The following TRDN variants were observed in gnomAD, a reference collection of about 807,000 sequenced individuals.
TRDN encodes the protein triadin.
TRDN carries 161 observed loss-of-function variants against 149.7 expected under a neutral mutation model. The observed-to-expected ratio is 1.08, with a 90% CI of 0.95 to 1.23. The LOEUF (loss-of-function observed/expected upper bound fraction) is 1.23, where lower values mean the gene tolerates loss of function less well. Ranked by LOEUF, TRDN falls within the 50% of genes most tolerant of loss-of-function variation. TRDN has a pLI of 0.00. For missense variants in TRDN, 896 were observed against 823.5 expected, an observed-to-expected ratio of 1.09 and a Z score of -1.08; for synonymous variants, 294 against 250.5, an observed-to-expected ratio of 1.17 and a Z score of -1.64.
intron 9 of TRDN, chr6:123,470,793 G>T (rs778264993): frequency 6.6e-6 from 1 of 152,180 alleles, no homozygotes; most frequent in Non-Finnish European, 1.5e-5. Context: ...AAGGATATTA[G>T]CTGTATCAGA....
At chr6:123,376,177 A>C (rs938733769) in intron 18 of TRDN, among the ~76,000 whole-genome samples, 1 of 152,284 alleles carries the variant, frequency 6.6e-6, no homozygotes, top group African/African-American at 2.4e-5. Flanking sequence ...AACTGGCTAC[A>C]CCAATAGTCA....
chr6:123,274,724 A>T lies in TRDN; in HGVS notation c.1568-54T>A, dbSNP rs2873478. On this transcript the variant is annotated intron_variant, in intron 26 of 40. Coordinates refer to ENST00000334268, the MANE Select transcript of TRDN (RefSeq NM_006073.4). ...AAACCTGAAAAAATAAACTAGAATGAAAATTAATTTTTAGAAATAATTTTA... is the reference window on the plus strand; with the variant it reads ...AAACCTGAAAAAATAAACTAGAATGTAAATTAATTTTTAGAAATAATTTTA... The T allele has an allele frequency of 2.0e-6, 3 of 1,478,110 alleles. No homozygotes were observed. The African/African-American group carries it at 4.3e-5, about 21-fold the overall frequency. 91.6% of individuals were successfully genotyped at this position (1,478,110 alleles called of 1,614,324 possible).
At chr6:123,439,922 AT>A (rs1774779968) in intron 10 of TRDN, 1 of 152,204 alleles carries the variant, frequency 6.6e-6, no homozygotes. Flanking sequence ...TAGCAGTGCT[AT>A]TTACCTTATA....
intron 23 of TRDN, among the ~76,000 whole-genome samples, chr6:123,326,790 ATT>A (rs993149493): frequency 2.0e-5 from 3 of 152,128 alleles, no homozygotes; most frequent in Non-Finnish European, 4.4e-5. Flanking sequence ...TCAATTAGCT[ATT>A]TTTAAAATAA....
At chr6:123,440,412 T>C (rs1290173172) in intron 10 of TRDN, among the ~76,000 whole-genome samples, 2 of 152,244 alleles carry the variant, frequency 1.3e-5, no homozygotes, top group African/African-American at 4.8e-5. Flanking sequence ...ATGTAGATCA[T>C]ATTTAAAATT....
At chr6:123,502,267 T>C (rs1444296727) in intron 8 of TRDN, 8 of 939,770 alleles carry the variant, frequency 8.5e-6, no homozygotes, top group Admixed American at 6.2e-5. Context: ...TTTACTTACT[T>C]CATCCTTTTT....
chr6:123,460,514 C>A (rs1776389091), intron 10 of TRDN, among the ~76,000 whole-genome samples: 1 of 151,876 alleles, frequency 6.6e-6, no homozygotes, highest in Non-Finnish European at 1.5e-5. Context: ...TTAAAAATCA[C>A]CAAAAGATAT....
chr6:123,609,396 AAAAG>A, intron 1 of TRDN, among the ~76,000 whole-genome samples: 1 of 152,280 alleles, frequency 6.6e-6, no homozygotes, highest in Non-Finnish European at 1.5e-5. Flanking sequence ...CATACATGTG[AAAAG>A]AAATTAGAGG....
At chr6:123,350,066 T>TTTTA (rs1780399911) in intron 21 of TRDN, 15 of 982,638 alleles carry the variant, frequency 1.5e-5, no homozygotes, top group Non-Finnish European at 1.7e-5. Context: ...TAGTGAACTC[T>TTTTA]GATACATTTA....
intron 5 of TRDN, among the ~76,000 whole-genome samples, chr6:123,518,491 C>G (rs910988075): frequency 3.9e-5 from 6 of 152,278 alleles, no homozygotes; most frequent in East Asian, 1.9e-4. Flanking sequence ...AACACCTAAT[C>G]TGTGTCTCTG....
At chr6:123,571,251 C>A in intron 1 of TRDN, 119 bp from the exon 2 acceptor site, 2 of 1,033,136 alleles carry the variant, frequency 1.9e-6, no homozygotes, top group Non-Finnish European at 2.8e-6. Flanking sequence ...AGCAGCACAA[C>A]TCCTTAGTGG....
intron 1 of TRDN, among the ~76,000 whole-genome samples, chr6:123,573,484 G>T (rs1782678529): frequency 6.6e-6 from 1 of 152,004 alleles, no homozygotes; most frequent in Admixed American, 6.6e-5. Context: ...GGCTAGAAAG[G>T]CAGGATTAAC....
chr6:123,528,511 CATTT>C (rs781224695), intron 5 of TRDN, among the ~76,000 whole-genome samples: 23 of 152,074 alleles, frequency 1.5e-4, no homozygotes, highest in Non-Finnish European at 2.8e-4. Flanking sequence ...TTTATTGACT[CATTT>C]ATAATCATCA....
intron 1 of TRDN, among the ~76,000 whole-genome samples, chr6:123,617,326 A>G (rs1785146738): frequency 6.6e-6 from 1 of 152,212 alleles, no homozygotes; most frequent in African/African-American, 2.4e-5. Flanking sequence ...GAATATATAT[A>G]CAAACACCAT....
At chr6:123,480,249 CAAAA>C (rs34445508) in intron 9 of TRDN, among the ~76,000 whole-genome samples, 2 of 98,422 alleles carry the variant, frequency 2.0e-5, no homozygotes, top group Non-Finnish European at 2.1e-5. Context: ...ACTCCGTTTC[CAAAA>C]AAAAAAAAAA....
chr6:123,517,054 C>T (rs151285386), intron 5 of TRDN, among the ~76,000 whole-genome samples: 1 of 152,048 alleles, frequency 6.6e-6, no homozygotes, highest in African/African-American at 2.4e-5. Context: ...TCATTCCTGT[C>T]GCCATGATGT....
At chr6:123,313,546 C>A (rs1377145248) in intron 24 of TRDN, among the ~76,000 whole-genome samples, 3 of 151,796 alleles carry the variant, frequency 2.0e-5, no homozygotes, top group African/African-American at 7.3e-5. Context: ...TGCTGGGTGT[C>A]CACTCCAATC....
At chr6:123,424,698 AC>A (rs1404841638) in intron 12 of TRDN, among the ~76,000 whole-genome samples, 1 of 152,118 alleles carries the variant, frequency 6.6e-6, no homozygotes, top group Admixed American at 6.6e-5. Flanking sequence ...TGTGATTAGG[AC>A]CTCAGTTAAT....
chr6:123,529,464 AAT>A, intron 5 of TRDN: 1 of 1,045,056 alleles, frequency 9.6e-7, no homozygotes, highest in South Asian at 1.4e-5. Flanking sequence ...TTAAAGACAT[AAT>A]ATCTGTAGAA....
Sources: allele counts gnomAD v4.1 joint callset (sites outside exome capture counted in the v4.1 genomes callset), GRCh38; gene constraint gnomAD v4.1.1; transcripts MANE v1.5; gene names NCBI Gene and HGNC (gene_info 2026-07-23, HGNC 2026-07-21).